The following PLCL1 variants were observed in gnomAD, a reference collection of about 807,000 sequenced individuals.
PLCL1 encodes phospholipase C like 1 (inactive), also known as inactive phospholipase C-like protein 1.
A neutral mutation model predicts 84.4 loss-of-function variants in PLCL1; 41 were observed. The ratio of observed to expected loss-of-function variants is 0.49; its 90% CI spans 0.38 to 0.63. The LOEUF (loss-of-function observed/expected upper bound fraction) is 0.63. PLCL1 is among the 30% of genes least tolerant of loss of function. PLCL1 has a pLI of 0.00. For missense variants in PLCL1, 1,206 were observed against 1,367.8 expected (o/e 0.88, Z 1.87); for synonymous variants, 490 against 488.3 (o/e 1.00, Z -0.05).
chr2:198,095,254 GAGCA>G (rs1559103691), intron 3 of PLCL1, among the ~76,000 whole-genome samples: 1 of 152,152 alleles, frequency 6.6e-6, no homozygotes, highest in African/African-American at 2.4e-5. Context: ...GTCTCTGAAA[GAGCA>G]AGCATCACTT....
At chr2:198,002,914 C>T (rs529857609) in intron 1 of PLCL1, among the ~76,000 whole-genome samples, 6 of 152,274 alleles carry the variant, frequency 3.9e-5, no homozygotes, top group Non-Finnish European at 7.4e-5. Context: ...GGTCATCATC[C>T]TGCTTAAGGG....
chr2:197,829,289 A>C (rs1436948100), intron 1 of PLCL1, among the ~76,000 whole-genome samples: 1 of 152,190 alleles, frequency 6.6e-6, no homozygotes, highest in Non-Finnish European at 1.5e-5. Context: ...TCAAATAAAG[A>C]ATATCTTGGT....
At chr2:197,913,218 C>T (rs1031596573) in intron 1 of PLCL1, among the ~76,000 whole-genome samples, 19 of 152,282 alleles carry the variant, frequency 1.2e-4, no homozygotes, top group African/African-American at 4.3e-4. Flanking sequence ...AATGTGAAAA[C>T]ACTTGGAAGA....
At chr2:197,888,652 A>G (rs1490829317) in intron 1 of PLCL1, among the ~76,000 whole-genome samples, 1 of 152,230 alleles carries the variant, frequency 6.6e-6, no homozygotes, top group Non-Finnish European at 1.5e-5. Flanking sequence ...AGACTAAGTG[A>G]ATATTAGTTT....
chr2:198,086,397 G>T (rs932374793), intron 2 of PLCL1, among the ~76,000 whole-genome samples, 165 bp downstream of exon 2: 1 of 152,126 alleles, frequency 6.6e-6, no homozygotes, highest in Non-Finnish European at 1.5e-5. Flanking sequence ...GAGGCAGGTG[G>T]ATCACTTGAG....
chr2:198,074,554 G>A (rs1692534266), intron 1 of PLCL1, among the ~76,000 whole-genome samples: 1 of 152,164 alleles, frequency 6.6e-6, no homozygotes, highest in Non-Finnish European at 1.5e-5. Context: ...GTCGAGAATG[G>A]TGTGAACCTG....
intron 1 of PLCL1, among the ~76,000 whole-genome samples, chr2:197,829,016 C>T (rs1398771750): frequency 2.6e-5 from 4 of 152,102 alleles, no homozygotes; most frequent in Non-Finnish European, 4.4e-5. Context: ...ATAGTATTAG[C>T]AGAGTTGCTG....
intron 1 of PLCL1, among the ~76,000 whole-genome samples, chr2:197,836,636 A>G (rs920878300): frequency 2.6e-5 from 4 of 152,158 alleles, no homozygotes; most frequent in African/African-American, 9.7e-5. Context: ...CTACCCAAAT[A>G]ATCAAGTTAT....
chr2:198,035,098 A>G (rs2105853138), intron 1 of PLCL1, among the ~76,000 whole-genome samples: 1 of 152,302 alleles, frequency 6.6e-6, no homozygotes, highest in African/African-American at 2.4e-5. Flanking sequence ...ATTAATAACT[A>G]TCTTGTGGGA....
intron 2 of PLCL1, among the ~76,000 whole-genome samples, chr2:198,086,836 A>G (rs866754717): frequency 6.6e-6 from 1 of 152,240 alleles, no homozygotes; most frequent in South Asian, 2.1e-4. Flanking sequence ...AATGGGAACC[A>G]AGTAGAATAT....
intron 5 of PLCL1, among the ~76,000 whole-genome samples, chr2:198,109,591 T>C (rs753981640): frequency 2.0e-5 from 3 of 151,908 alleles, no homozygotes; most frequent in Non-Finnish European, 2.9e-5. Context: ...ATGAGAGTTC[T>C]GAAGATCTCT....
chr2:197,865,173 C>T (rs1033196306), intron 1 of PLCL1, among the ~76,000 whole-genome samples: 1 of 152,148 alleles, frequency 6.6e-6, no homozygotes, highest in Non-Finnish European at 1.5e-5. Context: ...AGGTTTCAGT[C>T]ACTCAATGAA....
chr2:198,051,975 T>G (rs1691943962), intron 1 of PLCL1, among the ~76,000 whole-genome samples: 1 of 151,994 alleles, frequency 6.6e-6, no homozygotes, highest in Non-Finnish European at 1.5e-5. Context: ...AATGGCGTGA[T>G]CTTGGCTCAC....
chr2:197,968,728 T>A (rs1247352343), intron 1 of PLCL1, among the ~76,000 whole-genome samples: 1 of 152,158 alleles, frequency 6.6e-6, no homozygotes, highest in Non-Finnish European at 1.5e-5. Context: ...AAATTGTTCT[T>A]CTGGAGACTA....
chr2:198,100,544 T>C (rs1357802191), intron 3 of PLCL1, among the ~76,000 whole-genome samples: 1 of 152,086 alleles, frequency 6.6e-6, no homozygotes, highest in Non-Finnish European at 1.5e-5. Context: ...GATTCATCCA[T>C]GTCAACTGAG....
intron 1 of PLCL1, among the ~76,000 whole-genome samples, chr2:197,912,872 A>G (rs1451639519): frequency 6.9e-6 from 1 of 144,934 alleles, no homozygotes; most frequent in Admixed American, 6.9e-5. Flanking sequence ...TAGTGGGTGC[A>G]GCGCACCAGC....
rs551804267 is a variant in PLCL1 at position 197,945,991 on chromosome 2, T to C, written c.241-137767T>C. On this transcript the variant is annotated intron_variant, in intron 1 of 5. Coordinates refer to ENST00000428675, the MANE Select transcript of PLCL1 (RefSeq NM_006226.4). ...GTACCTTTGTCACTCCTCTGATAAT[T>C]TAACAAATATAAATTTAATGTCAAC... 1.9e-3 allele frequency among the ~76,000 whole-genome samples: 286 copies of C among 152,304 alleles called. 1 individual carries two copies. The highest frequency in any genetic ancestry group is 6.6e-3 in the African/African-American group (273 of 41,572).
intron 5 of PLCL1, among the ~76,000 whole-genome samples, chr2:198,140,281 T>C (rs1326458657): frequency 6.6e-6 from 1 of 152,154 alleles, no homozygotes; most frequent in Non-Finnish European, 1.5e-5. Context: ...TATTAATGGT[T>C]TTTTAAATTA....
intron 1 of PLCL1, among the ~76,000 whole-genome samples, chr2:198,003,933 C>T (rs1471018417): frequency 6.6e-6 from 1 of 152,136 alleles, no homozygotes; most frequent in Non-Finnish European, 1.5e-5. Flanking sequence ...AGGAACTTGA[C>T]CAAGTCTGTG....
Sources: gnomAD v4.1 joint callset for allele counts (sites outside exome capture counted in the v4.1 genomes callset) on GRCh38, gnomAD v4.1.1 for gene constraint, MANE v1.5 for transcripts, NCBI Gene and HGNC (gene_info 2026-07-23, HGNC 2026-07-21) for gene names.